PALS1: variants seen among roughly 807,000 people sequenced by gnomAD.
The protein encoded by PALS1 is protein associated with LIN7 1, MAGUK p55 family member.
In PALS1, 31 loss-of-function variants were observed where a neutral mutation model predicts 78.9. That is an observed-to-expected ratio of 0.39 (90% confidence interval 0.30 to 0.53). PALS1 has a LOEUF of 0.53. PALS1 is among the 20% of genes least tolerant of loss of function. The probability of loss-of-function intolerance (pLI) is 0.67; values close to 1 mark genes in which losing one functional copy is unlikely to be tolerated. For synonymous variants in PALS1, 276 were observed against 270.9 expected (o/e 1.02, Z -0.18); for missense variants, 704 against 826.5 (o/e 0.85, Z 1.82).
At chr14:67,301,248 CTAA>C (rs2084929284) in intron 4 of PALS1, 138 bp from the exon 5 acceptor site, 2 of 479,310 alleles carry the variant, frequency 4.2e-6, no homozygotes, top group African/African-American at 3.9e-5. Flanking sequence ...ATTGAAAACT[CTAA>C]TAATTCTTTT....
chr14:67,326,897 G>A (rs948909058), intron 14 of PALS1, among the ~76,000 whole-genome samples: 5 of 152,206 alleles, frequency 3.3e-5, no homozygotes, highest in Non-Finnish European at 5.9e-5. Context: ...TTTGAGGGCC[G>A]GGCACAGTGG....
chr14:67,245,324 A>G (rs1474847296), intron 1 of PALS1, among the ~76,000 whole-genome samples: 2 of 152,116 alleles, frequency 1.3e-5, no homozygotes, highest in Non-Finnish European at 2.9e-5. Context: ...TGGTATGGTC[A>G]GTCTTTAGAT....
At chr14:67,313,136 C>T (rs1182965491) in intron 9 of PALS1, among the ~76,000 whole-genome samples, 2 of 152,094 alleles carry the variant, frequency 1.3e-5, no homozygotes, top group Non-Finnish European at 2.9e-5. Flanking sequence ...GATCTTAGGG[C>T]AGAAACAGGA....
Position 67,320,362 on chromosome 14 carries a change from A to C in PALS1, c.1502A>C (p.Asn501Thr). 6.2e-7 allele frequency: 1 copy of C among 1,611,394 alleles called. No homozygotes were observed. Among genetic ancestry groups the C allele is most frequent in the South Asian group, 1.1e-5 (1 of 90,300 alleles). Residue 501 changes from asparagine to threonine, a missense_variant, in exon 12 of 15, where the codon AAC becomes ACC. Transcript: ENST00000261681. The part of the protein sequence containing the change: ...GQNELRQRLM[N>T]KEKDRFASAV... ...AATGAATTGCGTCAGAGGCTCATGA[A>C]CAAAGAAAAGGACCGCTTTGCATCT...
chr14:67,315,268 ATTTTTT>A (rs531037352), intron 9 of PALS1, among the ~76,000 whole-genome samples: 4 of 101,590 alleles, frequency 3.9e-5, no homozygotes, highest in South Asian at 3.3e-4. Flanking sequence ...CTTATTTTTA[ATTTTTT>A]TTTTTTTTTT....
intron 3 of PALS1, among the ~76,000 whole-genome samples, chr14:67,288,101 A>T (rs2084718035): frequency 6.6e-6 from 1 of 151,714 alleles, no homozygotes; most frequent in South Asian, 2.1e-4. Context: ...TTCCTTCGAG[A>T]CAGAGTCTCA....
At chr14:67,315,466 T>C (rs1438580731) in intron 9 of PALS1, among the ~76,000 whole-genome samples, 1 of 151,942 alleles carries the variant, frequency 6.6e-6, no homozygotes. Flanking sequence ...TTAGTAGAGA[T>C]GGGGTTTCAC....
rs1379090377 is a variant in PALS1, at chr14:67,333,179, T to C, written c.*223T>C. 1 of 382,978 alleles carries C rather than the reference T, an allele frequency of 2.6e-6. No individual in the cohort carries two copies. Among genetic ancestry groups the C allele is most frequent in the Non-Finnish European group, 4.7e-6 (1 of 214,062 alleles). 23.7% of individuals were successfully genotyped at this position (382,978 alleles called of 1,614,324 possible). ...CATGGCTTTAGCGGTTCTTGCCTCATTTTGGGATTCTAAATGGAAGCTTTC... is the reference window on the plus strand; with the variant it reads ...CATGGCTTTAGCGGTTCTTGCCTCACTTTGGGATTCTAAATGGAAGCTTTC... On this transcript the variant is annotated 3_prime_UTR_variant, in exon 15 of 15. Transcript: ENST00000261681.
At chr14:67,308,899 A>G (rs777345915) in intron 8 of PALS1, among the ~76,000 whole-genome samples, 11 of 152,140 alleles carry the variant, frequency 7.2e-5, no homozygotes, top group Non-Finnish European at 1.3e-4. Flanking sequence ...AATATTTTGG[A>G]ACATTGGATC....
chr14:67,282,172 A>T (rs935763549), intron 3 of PALS1, among the ~76,000 whole-genome samples: 2 of 152,166 alleles, frequency 1.3e-5, no homozygotes, highest in African/African-American at 4.8e-5. Flanking sequence ...CTTTTTGTTT[A>T]AAGTGAAGTG....
At position 67,320,389 on chromosome 14, in the gene PALS1, C is replaced by T. The variant is rs2085245224; in HGVS notation, c.1529C>T (p.Ala510Val). 1.2e-6 allele frequency: 2 copies of T among 1,601,816 alleles called. No individual in the cohort carries two copies. Among genetic ancestry groups the T allele is most frequent in the African/African-American group, 1.3e-5 (1 of 74,360 alleles). The part of the protein sequence containing the change: ...MNKEKDRFAS[A>V]VPHTTRSRRD... The stretch of plus-strand genomic sequence containing the variant: ...AAAGAAAAGGACCGCTTTGCATCTG[C>T]AGTTCCTCGTAAGTTTGAATGCATT... Residue 510 changes from alanine to valine, a missense_variant, in exon 12 of 15, where the codon GCA becomes GTA. Transcript: ENST00000261681.
At chr14:67,321,281 A>C in intron 13 of PALS1, 22 bp downstream of exon 13, 1 of 1,612,490 alleles carries the variant, frequency 6.2e-7, no homozygotes, top group Non-Finnish European at 8.5e-7. Context: ...ACTTTGTTTT[A>C]GGGTTTGAAC....
intron 3 of PALS1, among the ~76,000 whole-genome samples, chr14:67,280,896 T>C (rs1380984852): frequency 2.9e-5 from 4 of 138,328 alleles, no homozygotes; most frequent in African/African-American, 1.1e-4. Context: ...CTTTCTTTTC[T>C]TTCTTTCTTT....
rs1325719409 is a variant in PALS1 at position 67,333,903 on chromosome 14, G to A, written c.*947G>A. 6.6e-6 allele frequency: 1 copy of A among 152,586 alleles called. No homozygotes were observed. The highest frequency in any genetic ancestry group is 1.5e-5 in the Non-Finnish European group (1 of 68,016). 9.5% of individuals were successfully genotyped at this position (152,586 alleles called of 1,614,324 possible). On this transcript the variant is annotated 3_prime_UTR_variant, in exon 15 of 15. Transcript: ENST00000261681. ...ACAGTTTTTGCATTTTTATGTATGA[G>A]CACAGTATCCTATGACTGTGCTACG... is the stretch of plus-strand genomic sequence containing the variant.
chr14:67,312,990 A>T (rs534359678), intron 9 of PALS1, among the ~76,000 whole-genome samples: 7 of 152,298 alleles, frequency 4.6e-5, no homozygotes, highest in African/African-American at 1.7e-4. Flanking sequence ...TATCGAGGCA[A>T]TACAACTTGT....
intron 1 of PALS1, among the ~76,000 whole-genome samples, chr14:67,258,091 A>C (rs2084175462): frequency 6.6e-6 from 1 of 151,926 alleles, no homozygotes; most frequent in Admixed American, 6.6e-5. Flanking sequence ...CTAGTATTTA[A>C]ATATTCAAAT....
chr14:67,313,635 ATAGAG>A (rs1262976766), intron 9 of PALS1, among the ~76,000 whole-genome samples: 1 of 152,198 alleles, frequency 6.6e-6, no homozygotes, highest in African/African-American at 2.4e-5. Flanking sequence ...AAATAGGGAT[ATAGAG>A]TAAAGGGATA....
chr14:67,316,866 A>G lies in PALS1; in HGVS notation c.1260A>G (p.Lys420=), dbSNP rs781418772. The change falls in exon 10 of 15, where the codon AAA becomes AAG. Residue 420 remains lysine, a synonymous_variant. Transcript: ENST00000261681. Reference sequence around the variant, plus strand: ...TTCAGCAGCAAAGGGAAGCCATGAAACAAACCATAGAAGAAGATAAGGAGC... The same window carrying G: ...TTCAGCAGCAAAGGGAAGCCATGAAGCAAACCATAGAAGAAGATAAGGAGC... ...KSFQQQREAM[K]QTIEEDKEPE... 9 of 1,612,806 alleles carry G rather than the reference A, an allele frequency of 5.6e-6. No homozygotes were observed. The highest frequency in any genetic ancestry group is 7.6e-6 in the Non-Finnish European group (9 of 1,179,320).
rs2084945846 is a variant in PALS1, at chr14:67,302,481, A to T, written c.873A>T (p.Lys291Asn). Residue 291 changes from lysine (K) to asparagine (N), a missense_variant, in exon 7 of 15, where the codon AAA (lysine) becomes AAT (asparagine). By Grantham distance (94) the Lys-to-Asn change is moderately conservative. Coordinates refer to ENST00000261681, the MANE Select transcript of PALS1 (RefSeq NM_022474.4). ...TAGTAAAAGGGGGTGCTGCAGAGAAAAGTGGTCTGTTGCATGAAGGAGATG... is the reference window on the plus strand; with the variant it reads ...TAGTAAAAGGGGGTGCTGCAGAGAATAGTGGTCTGTTGCATGAAGGAGATG... ...SRIVKGGAAE[K>N]SGLLHEGDEV... The T allele has an allele frequency of 6.3e-7, 1 of 1,599,854 alleles. No homozygotes were observed. The highest frequency in any genetic ancestry group is 1.3e-5 in the African/African-American group (1 of 74,178).
Sources: gnomAD v4.1 joint callset for allele counts (sites outside exome capture counted in the v4.1 genomes callset) on GRCh38, gnomAD v4.1.1 for gene constraint, MANE v1.5 for transcripts, NCBI Gene and HGNC (gene_info 2026-07-23, HGNC 2026-07-21) for gene names.